Variants in RBFOX1 observed in about 807,000 individuals in gnomAD.
RBFOX1 encodes RNA binding fox-1 homolog 1.
A neutral mutation model predicts 57.7 loss-of-function variants in RBFOX1; 8 were observed. The ratio of observed to expected loss-of-function variants is 0.14; its 90% CI spans 0.08 to 0.25. RBFOX1 has a LOEUF of 0.25. Ranked by LOEUF, RBFOX1 falls within the 10% of genes least tolerant of loss-of-function variation. The probability of loss-of-function intolerance (pLI) is 1.00; values close to 1 mark genes in which losing one functional copy is unlikely to be tolerated. For missense variants in RBFOX1, 611 were observed against 548.5 expected, an observed-to-expected ratio of 1.11 and a Z score of -1.14; for synonymous variants, 326 against 222.4, an observed-to-expected ratio of 1.47 and a Z score of -4.15.
At chr16:7,005,352 C>G (rs1301480337) in intron 3 of RBFOX1, among the ~76,000 whole-genome samples, 1 of 152,034 alleles carries the variant, frequency 6.6e-6, no homozygotes, top group East Asian at 1.9e-4. Context: ...GGGAGAAAGA[C>G]TAAGTTGACT....
At chr16:6,342,099 C>T (rs1234195269) in intron 2 of RBFOX1, among the ~76,000 whole-genome samples, 1 of 152,150 alleles carries the variant, frequency 6.6e-6, no homozygotes, top group Non-Finnish European at 1.5e-5. Context: ...TGTGCAAATT[C>T]AAACAGGAAT....
At chr16:5,948,386 A>T (rs941379783) in intron 4 of RBFOX1, among the ~76,000 whole-genome samples, 1 of 152,114 alleles carries the variant, frequency 6.6e-6, no homozygotes, top group African/African-American at 2.4e-5. Flanking sequence ...GGGGACATTG[A>T]TTTCTCAGGC....
intron 4 of RBFOX1, among the ~76,000 whole-genome samples, chr16:7,296,424 A>T (rs1315289201): frequency 6.6e-6 from 1 of 152,056 alleles, no homozygotes; most frequent in Non-Finnish European, 1.5e-5. Flanking sequence ...ACCATTTTTA[A>T]ACTTTTCTTG....
intron 3 of RBFOX1, among the ~76,000 whole-genome samples, chr16:5,608,757 C>G (rs4786732): frequency 0.31 from 47,380 of 152,096 alleles, 7,932 homozygotes; most frequent in African/African-American, 0.43. Flanking sequence ...CTCCCATCCC[C>G]TATCCTCTGA....
At chr16:7,042,037 G>A (rs541140023) in intron 3 of RBFOX1, among the ~76,000 whole-genome samples, 3 of 152,220 alleles carry the variant, frequency 2.0e-5, no homozygotes, top group African/African-American at 7.2e-5. Flanking sequence ...GTCTCCATTG[G>A]GGAGAAAACT....
intron 1 of RBFOX1, among the ~76,000 whole-genome samples, chr16:5,271,475 C>A (rs1401787921): frequency 6.6e-6 from 1 of 152,250 alleles, no homozygotes; most frequent in Non-Finnish European, 1.5e-5. Flanking sequence ...GGTCTGGGAT[C>A]CACTTTTCAC....
intron 4 of RBFOX1, among the ~76,000 whole-genome samples, chr16:7,432,605 C>T (rs902749633): frequency 6.6e-6 from 1 of 152,202 alleles, no homozygotes; most frequent in African/African-American, 2.4e-5. Flanking sequence ...TCAGCTCTGC[C>T]ATTTTAGTGT....
In RBFOX1 at chr16:7,612,599, C is replaced by T. The variant is rs1596486631; in HGVS notation, c.676+5261C>T. ...CTGTCATTGTGAGAATTTCCCTTGT[C>T]TTCTAATAAAAAAATATATATATAT... On this transcript the variant is annotated intron_variant, in intron 10 of 15. Coordinates refer to ENST00000550418, the MANE Select transcript of RBFOX1 (RefSeq NM_018723.4). Among the ~76,000 whole-genome samples, 2 of 151,264 alleles carry T rather than the reference C, an allele frequency of 1.3e-5. 1 individual carries two copies. Among genetic ancestry groups the T allele is most frequent in the East Asian group, 3.9e-4 (2 of 5,178 alleles).
intron 2 of RBFOX1, among the ~76,000 whole-genome samples, chr16:5,471,415 G>A (rs748355343): frequency 6.6e-5 from 10 of 152,158 alleles, no homozygotes; most frequent in Non-Finnish European, 1.2e-4. Flanking sequence ...CTGTTGAGTG[G>A]TGTCCTTTTT....
chr16:6,988,743 GT>G (rs1414416978), intron 3 of RBFOX1, among the ~76,000 whole-genome samples: 7 of 41,774 alleles, frequency 1.7e-4, no homozygotes, highest in Middle Eastern at 0.03. Flanking sequence ...TTTTTTTTTT[GT>G]TTGTTTGTTT....
chr16:5,960,133 G>A lies in RBFOX1; in HGVS notation c.351+92798G>A, dbSNP rs148876716. ...GGAGAATTGCTTGAACCCAAGTGGCGGAGGCTGCAGTGAGCCAAGATCGTG... is the reference window on the plus strand; with the variant it reads ...GGAGAATTGCTTGAACCCAAGTGGCAGAGGCTGCAGTGAGCCAAGATCGTG... On this transcript the variant is annotated intron_variant, in intron 4 of 19. Coordinates refer to the RBFOX1 transcript ENST00000641259. 4.4e-3 allele frequency among the ~76,000 whole-genome samples: 673 copies of A among 152,048 alleles called. 22 individuals are homozygous for A. The East Asian group carries it at 0.071, about 16-fold the overall frequency.
intron 10 of RBFOX1, among the ~76,000 whole-genome samples, chr16:7,620,324 C>A (rs7184911): frequency 0.47 from 71,982 of 151,946 alleles, 18,442 homozygotes; most frequent in Non-Finnish European, 0.57. Context: ...CAGAGAAGTA[C>A]AGAGTTTTAC....
At chr16:5,277,964 G>A (rs1266619940) in intron 1 of RBFOX1, among the ~76,000 whole-genome samples, 1 of 152,138 alleles carries the variant, frequency 6.6e-6, no homozygotes, top group Admixed American at 6.5e-5. Context: ...AAATATGGGG[G>A]TACGGGTACA....
At chr16:6,988,480 T>C (rs1053804482) in intron 3 of RBFOX1, among the ~76,000 whole-genome samples, 2 of 152,204 alleles carry the variant, frequency 1.3e-5, no homozygotes, top group Non-Finnish European at 2.9e-5. Flanking sequence ...CCTGTTGTGA[T>C]AACATATTGG....
intron 3 of RBFOX1, among the ~76,000 whole-genome samples, chr16:5,825,371 A>G (rs761051533): frequency 6.6e-6 from 1 of 152,144 alleles, no homozygotes; most frequent in African/African-American, 2.4e-5. Context: ...TTCCACCTTC[A>G]TGCTCATTTC....
chr16:5,874,697 C>T (rs1040766298), intron 4 of RBFOX1, among the ~76,000 whole-genome samples: 1 of 152,124 alleles, frequency 6.6e-6, no homozygotes, highest in African/African-American at 2.4e-5. Context: ...GTAATCCAAG[C>T]ACTTGGGGAG....
At chr16:6,706,577 G>T (rs1290983997) in intron 3 of RBFOX1, among the ~76,000 whole-genome samples, 1 of 152,134 alleles carries the variant, frequency 6.6e-6, no homozygotes, top group East Asian at 1.9e-4. Context: ...CTGGATGCTG[G>T]GATGTGCCAT....
intron 1 of RBFOX1, among the ~76,000 whole-genome samples, chr16:5,412,913 C>G (rs947663050): frequency 2.0e-5 from 3 of 152,300 alleles, no homozygotes; most frequent in Middle Eastern, 6.8e-3. Context: ...CGCCACCCAC[C>G]CAGGACATGG....
intron 1 of RBFOX1, among the ~76,000 whole-genome samples, chr16:6,222,278 C>G (rs1308061887): frequency 6.6e-6 from 1 of 152,126 alleles, no homozygotes; most frequent in Non-Finnish European, 1.5e-5. Flanking sequence ...AAAATTATTT[C>G]TGACCTTCTT....
Sources: allele counts gnomAD v4.1 joint callset (sites outside exome capture counted in the v4.1 genomes callset), GRCh38; gene constraint gnomAD v4.1.1; transcripts MANE v1.5; gene names NCBI Gene and HGNC (gene_info 2026-07-23, HGNC 2026-07-21).